The following ABCA13 variants were observed in gnomAD, a reference collection of about 807,000 sequenced individuals.
The protein encoded by ABCA13 is ATP binding cassette subfamily A member 13, also known as ATP-binding cassette sub-family A member 13.
In ABCA13, 476 loss-of-function variants were observed where a neutral mutation model predicts 478.7. That is an observed-to-expected ratio of 0.99 (90% CI 0.92 to 1.07). ABCA13 has a LOEUF of 1.07. ABCA13 is among the 50% of genes least tolerant of loss of function. The pLI is 0.00. For missense variants in ABCA13, 6,060 were observed against 5,910.6 expected, an observed-to-expected ratio of 1.03 and a Z score of -0.83; for synonymous variants, 2,252 against 2,158.9, an observed-to-expected ratio of 1.04 and a Z score of -1.20.
intron 2 of ABCA13, among the ~76,000 whole-genome samples, chr7:48,196,277 A>T (rs1797918986): frequency 6.6e-6 from 1 of 152,206 alleles, no homozygotes; most frequent in African/African-American, 2.4e-5. Flanking sequence ...TCAGGACTGC[A>T]GTCCAACAAA....
intron 8 of ABCA13, among the ~76,000 whole-genome samples, chr7:48,236,602 T>C (rs1350836450): frequency 1.3e-5 from 2 of 152,244 alleles, no homozygotes; most frequent in African/African-American, 2.4e-5. Flanking sequence ...GGTCTAGTTC[T>C]TCTCATATCC....
chr7:48,187,052 T>C (rs1372799913), intron 1 of ABCA13, among the ~76,000 whole-genome samples: 1 of 149,948 alleles, frequency 6.7e-6, no homozygotes, highest in South Asian at 2.1e-4. Flanking sequence ...TATACATATA[T>C]ATATCAGTCC....
At chr7:48,600,919 G>A (rs1790828784) in intron 58 of ABCA13, among the ~76,000 whole-genome samples, 2 of 151,984 alleles carry the variant, frequency 1.3e-5, no homozygotes, top group African/African-American at 4.8e-5. Context: ...ACTTTTTCTG[G>A]TCCTATCTAT....
At chr7:48,413,853 C>T (rs1819595122) in intron 41 of ABCA13, among the ~76,000 whole-genome samples, 1 of 152,158 alleles carries the variant, frequency 6.6e-6, no homozygotes, top group African/African-American at 2.4e-5. Flanking sequence ...CTTATTATTC[C>T]TATTTTAAGG....
intron 15 of ABCA13, among the ~76,000 whole-genome samples, chr7:48,253,766 G>A (rs1219649518): frequency 6.6e-6 from 1 of 152,222 alleles, no homozygotes; most frequent in Non-Finnish European, 1.5e-5. Flanking sequence ...TTACAGGCAT[G>A]AGCTACAACA....
At chr7:48,176,797 C>A (rs1366060816) in intron 1 of ABCA13, among the ~76,000 whole-genome samples, 1 of 152,144 alleles carries the variant, frequency 6.6e-6, no homozygotes, top group African/African-American at 2.4e-5. Context: ...CCTTGGAAAT[C>A]ACTTTTTTTC....
At chr7:48,518,861 C>G (rs1279626669) in intron 52 of ABCA13, among the ~76,000 whole-genome samples, 1 of 151,932 alleles carries the variant, frequency 6.6e-6, no homozygotes, top group Admixed American at 6.6e-5. Flanking sequence ...CAGGTTTGTT[C>G]CATAGATAAA....
intron 55 of ABCA13, among the ~76,000 whole-genome samples, chr7:48,565,590 G>A (rs1221086877): frequency 2.6e-5 from 4 of 152,010 alleles, no homozygotes; most frequent in Admixed American, 6.6e-5. Flanking sequence ...AAGGCCGGGC[G>A]TGGTTGCTCA....
chr7:48,462,444 C>G (rs181103641), intron 43 of ABCA13, among the ~76,000 whole-genome samples: 1 of 89,036 alleles, frequency 1.1e-5, no homozygotes, highest in Admixed American at 1.3e-4. Context: ...GTAAAGGATT[C>G]CCCCCCCCCT....
intron 52 of ABCA13, 87 bp downstream of exon 52, chr7:48,516,968 G>T: frequency 1.4e-6 from 2 of 1,414,862 alleles, no homozygotes; most frequent in South Asian, 1.5e-5. Context: ...TTGCTTTTCT[G>T]ACTGGAATTC....
At chr7:48,182,980 T>C (rs918842274) in intron 1 of ABCA13, among the ~76,000 whole-genome samples, 2 of 152,190 alleles carry the variant, frequency 1.3e-5, no homozygotes, top group Admixed American at 6.5e-5. Context: ...TTTTGAGAGG[T>C]TGGCATCTAG....
At chr7:48,401,594 A>C (rs1817610706) in intron 38 of ABCA13, among the ~76,000 whole-genome samples, 1 of 152,132 alleles carries the variant, frequency 6.6e-6, no homozygotes, top group Non-Finnish European at 1.5e-5. Flanking sequence ...CCCTACCTTT[A>C]TACCCAATAT....
intron 42 of ABCA13, among the ~76,000 whole-genome samples, chr7:48,429,710 C>T (rs761359237): frequency 9.9e-5 from 15 of 152,060 alleles, no homozygotes; most frequent in Non-Finnish European, 1.9e-4. Flanking sequence ...TCATAAATGC[C>T]GTTTATGAAG....
chr7:48,410,500 C>G lies in ABCA13; in HGVS notation c.12071-20C>G. The stretch of plus-strand genomic sequence containing the variant: ...GGCCTTTGTCCTCCTGGTGCTGATG[C>G]ACCCTGTGCTTGGACCCAGGTCGTA... On this transcript the variant is annotated intron_variant, in intron 39 of 61. Transcript: ENST00000435803. The G allele has an allele frequency of 1.2e-6, 2 of 1,613,746 alleles. No individual in the cohort carries two copies. Among genetic ancestry groups the G allele is most frequent in the Non-Finnish European group, 1.7e-6 (2 of 1,179,766 alleles).
At chr7:48,173,880 G>T (rs983608354) in intron 1 of ABCA13, among the ~76,000 whole-genome samples, 1 of 152,208 alleles carries the variant, frequency 6.6e-6, no homozygotes, top group African/African-American at 2.4e-5. Context: ...TTCTTATTTG[G>T]TAGAAATGGG....
Position 48,375,036 on chromosome 7 carries a change from C to T in ABCA13, c.11203+620C>T, listed in dbSNP as rs989785321. Among the ~76,000 whole-genome samples the T allele has an allele frequency of 1.6e-4, 25 of 152,268 alleles. No homozygotes were observed. In the East Asian group the frequency reaches 4.4e-3, roughly 27 times the overall value. On this transcript the variant is annotated intron_variant, in intron 34 of 61. Transcript: ENST00000435803. ...AATGCCTGATGATCTGTCACTGTCTCGCATCACCCCCAGGTGGGACTGTCT... is the reference window on the plus strand; with the variant it reads ...AATGCCTGATGATCTGTCACTGTCTTGCATCACCCCCAGGTGGGACTGTCT...
intron 55 of ABCA13, among the ~76,000 whole-genome samples, chr7:48,572,896 A>G (rs1189289144): frequency 6.6e-6 from 1 of 152,108 alleles, no homozygotes; most frequent in East Asian, 1.9e-4. Context: ...TAATGATTCA[A>G]TTTCGTTTTA....
At chr7:48,392,174 T>C in intron 38 of ABCA13, 35 bp downstream of exon 38, 1 of 1,586,714 alleles carries the variant, frequency 6.3e-7, no homozygotes, top group South Asian at 1.1e-5. Flanking sequence ...TCCTCCTGCC[T>C]CTGCCCATTG....
chr7:48,279,646 AAT>A lies in ABCA13; in HGVS notation c.8453_8454del (p.Asn2818SerfsTer4). The A allele has an allele frequency of 6.2e-7, 1 of 1,613,136 alleles. No individual in the cohort carries two copies. The highest frequency in any genetic ancestry group is 8.5e-7 in the Non-Finnish European group (1 of 1,179,602). On this transcript the variant is annotated frameshift_variant, in exon 18 of 62. Coordinates refer to ENST00000435803, the MANE Select transcript of ABCA13 (RefSeq NM_152701.5). LOFTEE classifies it high-confidence loss of function. The stretch of plus-strand genomic sequence containing the variant: ...TCATCAACTTGAAAAAGCAATCCAT[AAT>A]GTTTTAAGTAGAATAGCTCTCTGGA... The part of the protein sequence containing the change: ...THHQLEKAIH[N>X]VLSRIALWRK...
Sources: gnomAD v4.1 joint callset for allele counts (sites outside exome capture counted in the v4.1 genomes callset) on GRCh38, gnomAD v4.1.1 for gene constraint, MANE v1.5 for transcripts, NCBI Gene and HGNC (gene_info 2026-07-23, HGNC 2026-07-21) for gene names.